Variants in XKR4 observed in about 807,000 individuals in gnomAD.
XKR4 encodes the protein XK related 4.
A neutral mutation model predicts 53.9 loss-of-function variants in XKR4; 12 were observed. The ratio of observed to expected loss-of-function variants is 0.22; its 90% confidence interval spans 0.14 to 0.36. The LOEUF (loss-of-function observed/expected upper bound fraction) is 0.36. Among genes scored for constraint, XKR4 ranks in the 10% least tolerant of loss-of-function variants. The pLI is 1.00. For synonymous variants in XKR4, 354 were observed against 362.4 expected (o/e 0.98, Z 0.26); for missense variants, 799 against 859.5 (o/e 0.93, Z 0.88).
chr8:55,155,025 C>T (rs1238071526), intron 1 of XKR4, among the ~76,000 whole-genome samples: 1 of 152,160 alleles, frequency 6.6e-6, no homozygotes, highest in Non-Finnish European at 1.5e-5. Context: ...GGAGCTCTTT[C>T]CTCCATCCCA....
chr8:55,161,432 T>C (rs1585912247), intron 1 of XKR4: 1 of 422,360 alleles, frequency 2.4e-6, no homozygotes. Flanking sequence ...CTCTCTGAGG[T>C]CCCAAGGGAA....
At chr8:55,239,768 A>G (rs753417280) in intron 1 of XKR4, among the ~76,000 whole-genome samples, 4 of 152,160 alleles carry the variant, frequency 2.6e-5, no homozygotes, top group Non-Finnish European at 5.9e-5. Context: ...CCCTTCTTCA[A>G]TTATTCAACC....
At chr8:55,273,641 C>T (rs1009712179) in intron 1 of XKR4, among the ~76,000 whole-genome samples, 31 of 152,096 alleles carry the variant, frequency 2.0e-4, no homozygotes, top group African/African-American at 7.5e-4. Flanking sequence ...ATCTTGTGGC[C>T]CCCACCCTGG....
At chr8:55,393,714 G>A (rs1235999453) in intron 2 of XKR4, among the ~76,000 whole-genome samples, 1 of 152,148 alleles carries the variant, frequency 6.6e-6, no homozygotes, top group Non-Finnish European at 1.5e-5. Flanking sequence ...TCATCAAGCT[G>A]GCTACTAGTT....
At chr8:55,345,518 G>A (rs1803623227) in intron 1 of XKR4, among the ~76,000 whole-genome samples, 3 of 152,076 alleles carry the variant, frequency 2.0e-5, no homozygotes, top group South Asian at 4.1e-4. Context: ...GCAGCTCATG[G>A]GTCAAGTGTA....
chr8:55,401,077 A>C (rs1182223038), intron 2 of XKR4, among the ~76,000 whole-genome samples: 2 of 152,210 alleles, frequency 1.3e-5, no homozygotes, highest in Admixed American at 1.3e-4. Flanking sequence ...TGACTGCCCC[A>C]GGGAAAGCAT....
chr8:55,511,318 G>T (rs1028437940), intron 2 of XKR4, among the ~76,000 whole-genome samples: 2 of 152,146 alleles, frequency 1.3e-5, no homozygotes, highest in African/African-American at 4.8e-5. Flanking sequence ...ATCAATTTCT[G>T]CCAGAAATTA....
At chr8:55,322,174 A>C (rs1163067891) in intron 1 of XKR4, among the ~76,000 whole-genome samples, 1 of 152,210 alleles carries the variant, frequency 6.6e-6, no homozygotes, top group Non-Finnish European at 1.5e-5. Flanking sequence ...GTAATTGCTT[A>C]ATTTAGCATG....
At chr8:55,328,444 C>A (rs1403155848) in intron 1 of XKR4, among the ~76,000 whole-genome samples, 1 of 152,176 alleles carries the variant, frequency 6.6e-6, no homozygotes, top group Non-Finnish European at 1.5e-5. Flanking sequence ...TGAGATGCAT[C>A]TCCTCACTCC....
chr8:55,306,468 T>C (rs1333946428), intron 1 of XKR4, among the ~76,000 whole-genome samples: 1 of 152,188 alleles, frequency 6.6e-6, no homozygotes, highest in Admixed American at 6.5e-5. Context: ...AGAAAGAGAT[T>C]TAATTAGACT....
chr8:55,334,502 G>C (rs548515076), intron 1 of XKR4, among the ~76,000 whole-genome samples: 1 of 152,096 alleles, frequency 6.6e-6, no homozygotes, highest in Non-Finnish European at 1.5e-5. Context: ...TCTGGGAGAA[G>C]GCTCAGCACT....
At chr8:55,136,595 C>T (rs1816634075) in intron 1 of XKR4, among the ~76,000 whole-genome samples, 1 of 152,146 alleles carries the variant, frequency 6.6e-6, no homozygotes, top group African/African-American at 2.4e-5. Context: ...AGCAGTCAAA[C>T]AATAATAATT....
intron 1 of XKR4, among the ~76,000 whole-genome samples, chr8:55,106,396 G>A (rs112631996): frequency 6.6e-6 from 1 of 152,304 alleles, no homozygotes; most frequent in African/African-American, 2.4e-5. Context: ...AAAGTCGCAG[G>A]AGGTGAGCTT....
intron 1 of XKR4, among the ~76,000 whole-genome samples, chr8:55,107,740 T>C (rs1302740907): frequency 2.6e-5 from 4 of 152,186 alleles, no homozygotes; most frequent in Admixed American, 2.6e-4. Context: ...GGTTACACCT[T>C]TGACTATTAA....
chr8:55,274,518 C>T lies in XKR4; in HGVS notation c.807-83160C>T, dbSNP rs1478959688. Among the ~76,000 whole-genome samples the T allele has an allele frequency of 4.0e-5, 6 of 151,878 alleles. 1 individual carries two copies. Among genetic ancestry groups the T allele is most frequent in the Admixed American group, 2.6e-4 (4 of 15,244 alleles). ...CATGATCTTGGCTTACTGCAGCCTC[C>T]GCCTCCCGGGTTCAAGCAATTCTCC... On this transcript the variant is annotated intron_variant, in intron 1 of 2. Coordinates refer to ENST00000327381, the MANE Select transcript of XKR4 (RefSeq NM_052898.2).
At chr8:55,346,460 C>A (rs1339246580) in intron 1 of XKR4, among the ~76,000 whole-genome samples, 2 of 152,150 alleles carry the variant, frequency 1.3e-5, no homozygotes, top group East Asian at 3.8e-4. Flanking sequence ...AAAGTCTAAT[C>A]TTGAAACAAG....
intron 1 of XKR4, among the ~76,000 whole-genome samples, chr8:55,295,325 A>G (rs899669846): frequency 6.6e-6 from 1 of 152,212 alleles, no homozygotes; most frequent in Non-Finnish European, 1.5e-5. Context: ...AGCTGAGGAC[A>G]TCAGAGAATA....
chr8:55,451,883 G>A (rs535563377), intron 2 of XKR4: 2 of 852,128 alleles, frequency 2.3e-6, no homozygotes, highest in South Asian at 2.9e-5. Context: ...AGTGTGCTGG[G>A]CTCCAGCTCT....
At position 55,531,457 on chromosome 8, in the gene XKR4, C is replaced by G. The variant is rs377131614; in HGVS notation, c.*7230C>G. On this transcript the variant is annotated 3_prime_UTR_variant, in exon 3 of 3. Coordinates refer to ENST00000327381, the MANE Select transcript of XKR4 (RefSeq NM_052898.2). Reference sequence around the variant, plus strand: ...TGTGGCATGTGAGCCTTACAATATACAATTAACATATGAAATAATGATGAT... The same window carrying G: ...TGTGGCATGTGAGCCTTACAATATAGAATTAACATATGAAATAATGATGAT... The G allele has an allele frequency of 2.0e-5, 3 of 151,224 alleles. No individual in the cohort carries two copies. Among genetic ancestry groups the G allele is most frequent in the African/African-American group, 7.3e-5 (3 of 41,066 alleles). The allele number at this position is 151,224 out of a possible 1,614,324, so 9.4% of individuals were successfully genotyped here.
Sources: gnomAD v4.1 joint callset for allele counts (sites outside exome capture counted in the v4.1 genomes callset) on GRCh38, gnomAD v4.1.1 for gene constraint, MANE v1.5 for transcripts, NCBI Gene and HGNC (gene_info 2026-07-23, HGNC 2026-07-21) for gene names.